Variants in JAK1 observed in about 807,000 individuals in gnomAD.
JAK1 encodes Janus kinase 1, also known as tyrosine-protein kinase JAK1.
Under a neutral mutation model 136.6 loss-of-function variants are expected in JAK1, and 16 were observed. The observed-to-expected ratio is 0.12, with a 90% confidence interval of 0.08 to 0.18. The LOEUF (loss-of-function observed/expected upper bound fraction) is 0.18. Ranked by LOEUF, JAK1 falls within the 10% of genes least tolerant of loss-of-function variation. JAK1 has a pLI of 1.00. For synonymous variants in JAK1, 492 were observed against 519.5 expected (o/e 0.95, Z 0.72); for missense variants, 859 against 1,450.1 (o/e 0.59, Z 6.62).
intron 4 of JAK1, among the ~76,000 whole-genome samples, chr1:64,878,561 G>GTATATATATA (rs56881589): frequency 1.3e-4 from 15 of 119,972 alleles, no homozygotes; most frequent in Non-Finnish European, 2.1e-4. Context: ...TATATAGTGT[G>GTATATATATA]TATATATATA....
intron 1 of JAK1, among the ~76,000 whole-genome samples, chr1:64,955,731 G>C (rs1191664943): frequency 6.6e-6 from 1 of 152,216 alleles, no homozygotes; most frequent in East Asian, 1.9e-4. Flanking sequence ...CATGGACATA[G>C]AGTGCGCAAT....
rs141630323 is a variant in JAK1, at chr1:65,059,826, G to C, written c.-181+7778C>G. Among the ~76,000 whole-genome samples, 1,036 of 152,122 alleles carry C rather than the reference G, an allele frequency of 6.8e-3. 12 individuals are homozygous for C. Among genetic ancestry groups the C allele is most frequent in the African/African-American group, 0.024 (1,000 of 41,500 alleles). ...CATTAGGCATTTGCTCAATTTCAAA[G>C]ACTCATTATATGCATATTAGATATT... On this transcript the variant is annotated intron_variant, in intron 1 of 25. Transcript: ENST00000671954.
At chr1:64,871,442 T>C (rs2101145122) in intron 5 of JAK1, among the ~76,000 whole-genome samples, 1 of 152,306 alleles carries the variant, frequency 6.6e-6, no homozygotes, top group East Asian at 1.9e-4. Flanking sequence ...AACGGGTGAC[T>C]AAGTTAAATA....
At chr1:64,836,669 G>T (rs758893716) in intron 22 of JAK1, among the ~76,000 whole-genome samples, 1 of 151,916 alleles carries the variant, frequency 6.6e-6, no homozygotes, top group Admixed American at 6.5e-5. Flanking sequence ...GCATTCCACC[G>T]CACCCAATCT....
At chr1:64,968,466 T>G (rs574149943), upstream of JAK1, among the ~76,000 whole-genome samples, 13 of 151,448 alleles carry the variant, frequency 8.6e-5, no homozygotes, top group South Asian at 2.1e-4. Context: ...GAGGCAGGAG[T>G]CAGGAGGTAG....
In JAK1 at chr1:64,879,175, G is replaced by T. The variant is rs780627718; in HGVS notation, c.206-27C>A. On this transcript the variant is annotated intron_variant, in intron 3 of 24. Transcript: ENST00000342505. Reference sequence around the variant, plus strand: ...TGAGGAAAAGTAAAAAAACACATCAGAAAATCAAGGCGGATACATTTGGCC... The same window carrying T: ...TGAGGAAAAGTAAAAAAACACATCATAAAATCAAGGCGGATACATTTGGCC... 4.3e-6 allele frequency: 7 copies of T among 1,612,618 alleles called. No individual in the cohort carries two copies. The Admixed American group carries it at 1.0e-4, about 23-fold the overall frequency.
intron 1 of JAK1, among the ~76,000 whole-genome samples, chr1:64,927,168 C>G (rs971113968): frequency 6.6e-6 from 1 of 152,258 alleles, no homozygotes; most frequent in African/African-American, 2.4e-5. Context: ...CCCTGACGAC[C>G]CTATTAAGAA....
intron 9 of JAK1, among the ~76,000 whole-genome samples, chr1:64,858,896 A>G (rs145723524): frequency 6.6e-6 from 1 of 152,232 alleles, no homozygotes; most frequent in African/African-American, 2.4e-5. Flanking sequence ...GGATAAGGTG[A>G]TATCTGACTA....
chr1:65,065,163 TA>T (rs972062856), intron 1 of JAK1, among the ~76,000 whole-genome samples: 6 of 152,192 alleles, frequency 3.9e-5, no homozygotes, highest in African/African-American at 1.4e-4. Flanking sequence ...GTTCTGAAGC[TA>T]AAGTTGGAAG....
chr1:64,882,228 C>T, intron 3 of JAK1, among the ~76,000 whole-genome samples: 1 of 152,238 alleles, frequency 6.6e-6, no homozygotes, highest in East Asian at 1.9e-4. Flanking sequence ...GGCAGAAAGA[C>T]AAATATCAGA....
At chr1:64,914,831 T>C (rs1446560280) in intron 1 of JAK1, among the ~76,000 whole-genome samples, 1 of 152,210 alleles carries the variant, frequency 6.6e-6, no homozygotes. Context: ...CCCAAAGTGC[T>C]AGGATTACAG....
Position 64,984,799 on chromosome 1 carries a change from T to C in JAK1, c.-78+59681A>G. 1 of 1,066,878 alleles carries C rather than the reference T, an allele frequency of 9.4e-7. No individual in the cohort carries two copies. Among genetic ancestry groups the C allele is most frequent in the Non-Finnish European group, 1.4e-6 (1 of 710,686 alleles). 66.1% of individuals were successfully genotyped at this position (1,066,878 alleles called of 1,614,324 possible). On this transcript the variant is annotated intron_variant, in intron 2 of 25. Coordinates refer to the JAK1 transcript ENST00000671954. The surrounding 1 kb of genome is among the most constrained non-coding windows in gnomAD (Gnocchi z 4.1). ...GTAATGAGGAAGTCGGTGAAGATAA[T>C]AAAAACGTAGGCTCCTAAATAGTAA...
intron 2 of JAK1, among the ~76,000 whole-genome samples, chr1:65,015,074 G>A (rs1428796798): frequency 6.6e-6 from 1 of 152,162 alleles, no homozygotes; most frequent in Non-Finnish European, 1.5e-5. Context: ...TAGAAACACA[G>A]AGACTTTGCT....
chr1:64,859,856 G>A (rs997273784), intron 9 of JAK1: 1 of 319,666 alleles, frequency 3.1e-6, no homozygotes, highest in Admixed American at 4.7e-5. Flanking sequence ...GCTATGGAGA[G>A]GTGAGGGGGT....
chr1:65,057,804 T>C (rs994492625), intron 1 of JAK1: 1 of 154,858 alleles, frequency 6.5e-6, no homozygotes. Flanking sequence ...TAATTTACAT[T>C]TTATTTTCAT....
intron 1 of JAK1, among the ~76,000 whole-genome samples, chr1:64,965,449 C>G (rs1646354900): frequency 2.0e-5 from 3 of 152,166 alleles, no homozygotes; most frequent in Non-Finnish European, 4.4e-5. Context: ...TGGCAAACAT[C>G]GCATCTTTTA....
At chr1:65,039,713 T>G (rs751663323) in intron 2 of JAK1, among the ~76,000 whole-genome samples, 2 of 152,172 alleles carry the variant, frequency 1.3e-5, no homozygotes, top group Non-Finnish European at 2.9e-5. Context: ...CTAGGGTGAT[T>G]CAGCAGGAAA....
chr1:65,029,776 T>C (rs948113811), intron 2 of JAK1, among the ~76,000 whole-genome samples: 1 of 151,868 alleles, frequency 6.6e-6, no homozygotes, highest in East Asian at 1.9e-4. Flanking sequence ...CATGGACACA[T>C]AGAGGGGAAC....
chr1:65,067,513 CG>C (rs1648122843), intron 1 of JAK1: 1 of 146,282 alleles, frequency 6.8e-6, no homozygotes, highest in Non-Finnish European at 1.5e-5. Context: ...GAGCCTCGCG[CG>C]GCCGCACGCC....
Sources: gnomAD v4.1 joint callset for allele counts (sites outside exome capture counted in the v4.1 genomes callset) on GRCh38, gnomAD v4.1.1 for gene constraint, Gnocchi (gnomAD v3.1) non-coding constraint, MANE v1.5 for transcripts, NCBI Gene and HGNC (gene_info 2026-07-23, HGNC 2026-07-21) for gene names.